Variants in GPAT4 observed in about 807,000 individuals in gnomAD.
GPAT4 encodes glycerol-3-phosphate acyltransferase 4.
A neutral mutation model predicts 58.0 loss-of-function variants in GPAT4; 17 were observed. The observed-to-expected ratio is 0.29, with a 90% CI of 0.20 to 0.44. The LOEUF (loss-of-function observed/expected upper bound fraction) is 0.44. Ranked by LOEUF, GPAT4 falls within the 20% of genes least tolerant of loss-of-function variation. GPAT4 has a pLI of 1.00. For missense variants in GPAT4, 377 were observed against 574.5 expected, an observed-to-expected ratio of 0.66 and a Z score of 3.51; for synonymous variants, 204 against 210.1, an observed-to-expected ratio of 0.97 and a Z score of 0.25.
chr8:41,600,606 T>A (rs939909797), intron 2 of GPAT4, among the ~76,000 whole-genome samples: 2 of 152,120 alleles, frequency 1.3e-5, no homozygotes, highest in Non-Finnish European at 2.9e-5. Flanking sequence ...TTTTTACATT[T>A]AAGAAAACCA....
chr8:41,614,542 A>G, intron 9 of GPAT4, 101 bp downstream of exon 9: 1 of 1,199,368 alleles, frequency 8.3e-7, no homozygotes. Flanking sequence ...TGTTGGGGTT[A>G]TCTGTTTTCA....
chr8:41,611,569 G>A (rs1256939056), intron 5 of GPAT4, among the ~76,000 whole-genome samples: 1 of 152,214 alleles, frequency 6.6e-6, no homozygotes, highest in Non-Finnish European at 1.5e-5. Flanking sequence ...CTGCCTGGGC[G>A]GGTGAGGAGG....
At chr8:41,613,839 C>A (rs1429538109) in intron 8 of GPAT4, among the ~76,000 whole-genome samples, 1 of 152,140 alleles carries the variant, frequency 6.6e-6, no homozygotes, top group Non-Finnish European at 1.5e-5. Context: ...TCGCTTGAGC[C>A]AGGGAGGGTG....
chr8:41,621,291 C>A lies in GPAT4; in HGVS notation c.*290C>A, dbSNP rs1016815376. 11 of 415,550 alleles carry A rather than the reference C, an allele frequency of 2.6e-5. No individual in the cohort carries two copies. Among genetic ancestry groups the A allele is most frequent in the Non-Finnish European group, 4.4e-5 (10 of 225,186 alleles). 25.7% of individuals were successfully genotyped at this position (415,550 alleles called of 1,614,324 possible). ...GAATGCCATTAAAGTGAACTCCCCA[C>A]CTTTGCACGCTGTGCGGGCTGAGTG... On this transcript the variant is annotated 3_prime_UTR_variant, in exon 13 of 13. Transcript: ENST00000396987.
At chr8:41,587,041 G>A (rs751444441) in intron 1 of GPAT4, among the ~76,000 whole-genome samples, 22 of 152,212 alleles carry the variant, frequency 1.4e-4, no homozygotes, top group Non-Finnish European at 2.9e-4. Flanking sequence ...GAGGGCCCAC[G>A]TGGCTCATGC....
At position 41,614,426 on chromosome 8, in the gene GPAT4, C is replaced by A; in HGVS notation, c.952C>A (p.Leu318Ile). 1 of 1,614,090 alleles carries A rather than the reference C, an allele frequency of 6.2e-7. No individual in the cohort carries two copies. Reference sequence around the variant, plus strand: ...GCAAGATAAAAGCAAGCTGCCTATCCTCATCTTCCCAGAAGGTAAGAAGGG... The same window carrying A: ...GCAAGATAAAAGCAAGCTGCCTATCATCATCTTCCCAGAAGGTAAGAAGGG... ...HVQDKSKLPI[L>I]IFPEGTCINN... Residue 318 changes from leucine (L) to isoleucine (I), a missense_variant, in exon 9 of 13, where the codon CTC becomes ATC. Transcript: ENST00000396987.
intron 1 of GPAT4, among the ~76,000 whole-genome samples, chr8:41,582,730 A>T (rs1802557267): frequency 6.6e-6 from 1 of 152,008 alleles, no homozygotes; most frequent in Admixed American, 6.6e-5. Context: ...TGCTCCATAC[A>T]TATGTAAAAT....
chr8:41,578,675 C>G (rs562480363), intron 1 of GPAT4: 117 of 152,428 alleles, frequency 7.7e-4, no homozygotes, highest in African/African-American at 2.7e-3. Context: ...CCTGTCATTC[C>G]CCTTCCTGTG....
rs1341386876 is a variant in GPAT4 at position 41,621,915 on chromosome 8, C to G, written c.*914C>G. The G allele has an allele frequency of 6.6e-6, 1 of 152,320 alleles. No homozygotes were observed. The highest frequency in any genetic ancestry group is 1.5e-5 in the Non-Finnish European group (1 of 68,142). The allele number at this position is 152,320 out of a possible 1,614,324, so 9.4% of individuals were successfully genotyped here. On this transcript the variant is annotated 3_prime_UTR_variant, in exon 13 of 13. Coordinates refer to ENST00000396987, the MANE Select transcript of GPAT4 (RefSeq NM_178819.4). ...TAAATAAAACTGGCTGGTGAATGAA[C>G]TGGGGGACTTCTCCCTTTACTTTCT...
chr8:41,616,592 G>C (rs377699191), intron 10 of GPAT4, among the ~76,000 whole-genome samples: 11 of 152,222 alleles, frequency 7.2e-5, no homozygotes, highest in African/African-American at 2.6e-4. Flanking sequence ...ACCCCGCTGG[G>C]CCTTCTGATT....
intron 1 of GPAT4, among the ~76,000 whole-genome samples, chr8:41,579,269 T>G (rs1309347647): frequency 1.3e-5 from 2 of 152,226 alleles, no homozygotes; most frequent in African/African-American, 4.8e-5. Context: ...GGAACCAGCA[T>G]GTACTTGTTC....
At chr8:41,579,139 A>G (rs1301696266) in intron 1 of GPAT4, among the ~76,000 whole-genome samples, 1 of 152,256 alleles carries the variant, frequency 6.6e-6, no homozygotes, top group Non-Finnish European at 1.5e-5. Flanking sequence ...AAGTCTCCAG[A>G]CAAAATCCTG....
At chr8:41,608,932 G>A (rs1252919175) in intron 2 of GPAT4, among the ~76,000 whole-genome samples, 1 of 152,002 alleles carries the variant, frequency 6.6e-6, no homozygotes. Context: ...TGTTACTCCT[G>A]TTACTGGACA....
intron 5 of GPAT4, among the ~76,000 whole-genome samples, 165 bp downstream of exon 5, chr8:41,610,975 C>T (rs948851841): frequency 2.0e-5 from 3 of 152,192 alleles, no homozygotes; most frequent in African/African-American, 4.8e-5. Flanking sequence ...GCCTGTAATC[C>T]CAGCACTTTG....
intron 1 of GPAT4, among the ~76,000 whole-genome samples, chr8:41,591,360 T>C (rs1802784720): frequency 6.6e-6 from 1 of 152,220 alleles, no homozygotes; most frequent in African/African-American, 2.4e-5. Context: ...AGGCAGAAAT[T>C]GGGCATAAGA....
Position 41,609,375 on chromosome 8 carries a change from T to A in GPAT4, c.166-41T>A, listed in dbSNP as rs752879225. The A allele has an allele frequency of 1.9e-6, 3 of 1,585,170 alleles. No homozygotes were observed. In the African/African-American group the frequency reaches 4.0e-5, roughly 21 times the overall value. On this transcript the variant is annotated intron_variant, in intron 2 of 12. Transcript: ENST00000396987. ...GAGGTGTTCACTGATTGAAAACAGG[T>A]CTCATTCTTGCTCTTGTATCTTGCT...
chr8:41,609,008 G>A (rs1243413562), intron 2 of GPAT4, among the ~76,000 whole-genome samples: 1 of 152,242 alleles, frequency 6.6e-6, no homozygotes, highest in Non-Finnish European at 1.5e-5. Flanking sequence ...CTTTCTTGGA[G>A]TAATTTGGTG....
rs1334611867 is a variant in GPAT4, at chr8:41,599,045, T to G, written c.-95T>G. On this transcript the variant is annotated 5_prime_UTR_variant, in exon 2 of 13. Coordinates refer to ENST00000396987, the MANE Select transcript of GPAT4 (RefSeq NM_178819.4). ...GGTTTGCTGTTCTTCGGGAACTTGC[T>G]TCCTTTCCCTGGCTGGTGCTGTCAG... 2.7e-6 allele frequency: 4 copies of G among 1,489,170 alleles called. No homozygotes were observed. The highest frequency in any genetic ancestry group is 2.3e-5 in the Admixed American group (1 of 43,834). 92.2% of individuals were successfully genotyped at this position (1,489,170 alleles called of 1,614,324 possible).
intron 6 of GPAT4, 91 bp downstream of exon 6, chr8:41,612,083 C>A (rs1315054196): frequency 4.4e-6 from 7 of 1,586,540 alleles, no homozygotes; most frequent in Non-Finnish European, 6.1e-6. Flanking sequence ...CACTTCTGAG[C>A]TTTTAGTTAG....
Sources: allele counts gnomAD v4.1 joint callset (sites outside exome capture counted in the v4.1 genomes callset), GRCh38; gene constraint gnomAD v4.1.1; transcripts MANE v1.5; gene names NCBI Gene and HGNC (gene_info 2026-07-23, HGNC 2026-07-21).